LRP1B: variants seen among roughly 807,000 people sequenced by gnomAD.
LRP1B encodes the protein LDL receptor related protein 1B, also known as low-density lipoprotein receptor-related protein 1B.
A neutral mutation model predicts 556.6 loss-of-function variants in LRP1B; 217 were observed. The observed-to-expected ratio is 0.39, with a 90% CI of 0.35 to 0.44. The LOEUF (loss-of-function observed/expected upper bound fraction) is 0.44, where lower values mean the gene tolerates loss of function less well. Among genes scored for constraint, LRP1B ranks in the 20% least tolerant of loss-of-function variants. The pLI, the probability that LRP1B is intolerant of heterozygous loss-of-function variation, is 1.00. For synonymous variants in LRP1B, 2,047 were observed against 1,865.8 expected (o/e 1.10, Z -2.50); for missense variants, 5,053 against 5,620.8 (o/e 0.90, Z 3.23).
chr2:140,634,125 G>A (rs3898430), intron 41 of LRP1B, among the ~76,000 whole-genome samples: 1 of 152,058 alleles, frequency 6.6e-6, no homozygotes, highest in African/African-American at 2.4e-5. Context: ...TTTATTCCAG[G>A]AATATAAGAC....
intron 86 of LRP1B, among the ~76,000 whole-genome samples, chr2:140,263,758 C>A (rs990710846): frequency 6.6e-6 from 1 of 151,000 alleles, no homozygotes; most frequent in African/African-American, 2.4e-5. Flanking sequence ...CCAGAAATAA[C>A]GTTAACATCC....
chr2:140,420,101 T>C (rs1685372420), intron 66 of LRP1B, among the ~76,000 whole-genome samples: 1 of 151,134 alleles, frequency 6.6e-6, no homozygotes, highest in Non-Finnish European at 1.5e-5. Context: ...TATGAGCCGA[T>C]GCTAAAGCAG....
rs376801852 is a variant in LRP1B at position 140,347,448 on chromosome 2, T to TC, written c.11892+3348dup. On this transcript the variant is annotated intron_variant, in intron 77 of 90. Transcript: ENST00000389484. ...ATTTTCATAGATCACAGAAGAGTAT[T>TC]CCCTTCACAATTTCCAAAAAAAAAA... Among the ~76,000 whole-genome samples the TC allele has an allele frequency of 8.9e-4, 134 of 151,094 alleles. 2 individuals are homozygous for TC. The South Asian group carries it at 0.015, about 17-fold the overall frequency.
intron 6 of LRP1B, among the ~76,000 whole-genome samples, chr2:141,190,788 C>T (rs1389763131): frequency 6.6e-6 from 1 of 151,932 alleles, no homozygotes; most frequent in Non-Finnish European, 1.5e-5. Context: ...ACTGACTAAA[C>T]AGAGTGACAA....
intron 11 of LRP1B, among the ~76,000 whole-genome samples, chr2:141,034,775 C>T (rs1488743266): frequency 6.7e-6 from 1 of 148,980 alleles, no homozygotes; most frequent in Admixed American, 6.7e-5. Flanking sequence ...TAAACTAGTT[C>T]AACCATTGTG....
At chr2:142,097,071 C>CT (rs1559069209) in intron 1 of LRP1B, among the ~76,000 whole-genome samples, 14 of 122,798 alleles carry the variant, frequency 1.1e-4, no homozygotes, top group East Asian at 7.5e-4. Flanking sequence ...AAAAAAACCC[C>CT]GGTTTACCAA....
intron 1 of LRP1B, among the ~76,000 whole-genome samples, chr2:142,046,047 G>A (rs1012541337): frequency 6.6e-5 from 10 of 151,910 alleles, no homozygotes; most frequent in African/African-American, 1.9e-4. Flanking sequence ...CAAACAAGGT[G>A]TAAACCAGAG....
intron 2 of LRP1B, among the ~76,000 whole-genome samples, chr2:141,743,100 C>T (rs1156420639): frequency 2.6e-5 from 4 of 151,696 alleles, no homozygotes; most frequent in Non-Finnish European, 4.4e-5. Context: ...ATTTCTTTTG[C>T]TTGGATGATT....
At chr2:141,882,726 A>C (rs1001463432) in intron 1 of LRP1B, among the ~76,000 whole-genome samples, 1 of 152,106 alleles carries the variant, frequency 6.6e-6, no homozygotes, top group African/African-American at 2.4e-5. Context: ...CAAGAACATA[A>C]TAGTTAGGTC....
chr2:141,869,562 AG>A (rs754205834), intron 1 of LRP1B, among the ~76,000 whole-genome samples: 7 of 152,130 alleles, frequency 4.6e-5, no homozygotes, highest in Non-Finnish European at 8.8e-5. Context: ...TACCATAAAA[AG>A]GTAGTTTAAC....
chr2:141,094,716 C>A (rs890183674), intron 7 of LRP1B, among the ~76,000 whole-genome samples: 1 of 152,146 alleles, frequency 6.6e-6, no homozygotes, highest in Non-Finnish European at 1.5e-5. Flanking sequence ...TGAGGAAGAA[C>A]TTCATTACAA....
chr2:140,352,903 T>C, intron 76 of LRP1B, 50 bp downstream of exon 76: 3 of 1,544,044 alleles, frequency 1.9e-6, no homozygotes, highest in Non-Finnish European at 2.6e-6. Context: ...CTCCATAAAA[T>C]GTTTACAACA....
intron 66 of LRP1B, among the ~76,000 whole-genome samples, chr2:140,419,714 A>G (rs542770145): frequency 6.6e-6 from 1 of 152,302 alleles, no homozygotes; most frequent in African/African-American, 2.4e-5. Flanking sequence ...GGATAAACAA[A>G]AAGTGAAGTT....
At chr2:140,678,906 TA>T (rs556093198) in intron 41 of LRP1B, among the ~76,000 whole-genome samples, 1 of 151,984 alleles carries the variant, frequency 6.6e-6, no homozygotes, top group South Asian at 2.1e-4. Context: ...GCCTCCTGAG[TA>T]GCTGGGATTA....
intron 3 of LRP1B, among the ~76,000 whole-genome samples, chr2:141,281,165 TTC>T (rs1156478460): frequency 6.6e-6 from 1 of 152,070 alleles, no homozygotes; most frequent in Non-Finnish European, 1.5e-5. Context: ...ACATAAAACC[TTC>T]TTGCTTTCTT....
chr2:141,264,329 T>G (rs1353724130), intron 3 of LRP1B, among the ~76,000 whole-genome samples: 2 of 152,186 alleles, frequency 1.3e-5, no homozygotes, highest in African/African-American at 2.4e-5. Flanking sequence ...TTCATAAGAT[T>G]TTACAACTAT....
intron 43 of LRP1B, among the ~76,000 whole-genome samples, chr2:140,579,071 A>T (rs1214153015): frequency 6.6e-6 from 1 of 152,168 alleles, no homozygotes; most frequent in East Asian, 1.9e-4. Context: ...AAAGAAAAAA[A>T]GAGGAAAGGG....
At chr2:141,283,083 T>C (rs1408452409) in intron 3 of LRP1B, among the ~76,000 whole-genome samples, 1 of 152,126 alleles carries the variant, frequency 6.6e-6, no homozygotes, top group Non-Finnish European at 1.5e-5. Context: ...GTTCAATTAT[T>C]CAAGTTTATA....
intron 7 of LRP1B, among the ~76,000 whole-genome samples, chr2:141,068,435 C>A (rs191848279): frequency 6.6e-6 from 1 of 151,748 alleles, no homozygotes; most frequent in Admixed American, 6.6e-5. Flanking sequence ...ATTGGTCGGA[C>A]CAGGTGTGAT....
Sources: gnomAD v4.1 joint callset for allele counts (sites outside exome capture counted in the v4.1 genomes callset) on GRCh38, gnomAD v4.1.1 for gene constraint, MANE v1.5 for transcripts, NCBI Gene and HGNC (gene_info 2026-07-23, HGNC 2026-07-21) for gene names.